SLC46A2: variants seen among roughly 807,000 people sequenced by gnomAD.
SLC46A2 encodes the protein thymic stromal co-transporter.
A neutral mutation model predicts 33.1 loss-of-function variants in SLC46A2; 25 were observed. The observed-to-expected ratio is 0.76, with a 90% confidence interval of 0.55 to 1.06. SLC46A2 has a LOEUF of 1.06. Among genes scored for constraint, SLC46A2 ranks in the 50% least tolerant of loss-of-function variants. SLC46A2 has a pLI of 0.00. For synonymous variants in SLC46A2, 254 were observed against 275.9 expected (o/e 0.92, Z 0.79); for missense variants, 622 against 621.7 (o/e 1.00, Z 0.00).
intron 1 of SLC46A2, among the ~76,000 whole-genome samples, chr9:112,887,830 G>A (rs889193234): frequency 6.6e-6 from 1 of 152,102 alleles, no homozygotes; most frequent in Non-Finnish European, 1.5e-5. Context: ...TTGGCAAATT[G>A]CCTCCAGCAA....
rs113536215 is a variant in SLC46A2 at position 112,890,610 on chromosome 9, G to A, written c.72C>T (p.Pro24=). 25,371 of 1,607,052 alleles carry A rather than the reference G, an allele frequency of 0.016. 459 individuals carry two copies. The highest frequency in any genetic ancestry group is 0.088 in the African/African-American group (6,578 of 75,032). The stretch of plus-strand genomic sequence containing the variant: ...CAGCCACCTGGGACGAGGCCACCAC[G>A]GGCTCAACCCAGGTCCTCGGGTGGA... The part of the protein sequence containing the change: ...PRFHPRTWVE[P]VVASSQVAAS... Residue 24 remains proline (P), a synonymous_variant, in exon 1 of 4, where the codon CCC becomes CCT. Coordinates refer to ENST00000374228, the MANE Select transcript of SLC46A2 (RefSeq NM_033051.4). The surrounding 1 kb of genome is among the most constrained non-coding windows in gnomAD (Gnocchi z 6.0).
chr9:112,879,483 G>T lies in SLC46A2; in HGVS notation c.*279C>A. 1 of 371,900 alleles carries T rather than the reference G, an allele frequency of 2.7e-6. No homozygotes were observed. The highest frequency in any genetic ancestry group is 5.0e-6 in the Non-Finnish European group (1 of 199,432). 23.0% of individuals were successfully genotyped at this position (371,900 alleles called of 1,614,324 possible). On this transcript the variant is annotated 3_prime_UTR_variant, in exon 4 of 4. Transcript: ENST00000374228. ...GGCCTGGGACTGCTGTGTGCAGCCT[G>T]CCTGTAACCCTTAAGGTCATGCTCT...
intron 3 of SLC46A2, among the ~76,000 whole-genome samples, chr9:112,882,933 C>T (rs1315006568): frequency 6.6e-6 from 1 of 152,126 alleles, no homozygotes; most frequent in Admixed American, 6.5e-5. Flanking sequence ...AGAGAAGAAG[C>T]TATCAGATAA....
At chr9:112,882,140 T>C (rs1841584997) in intron 3 of SLC46A2, among the ~76,000 whole-genome samples, 1 of 152,196 alleles carries the variant, frequency 6.6e-6, no homozygotes, top group Non-Finnish European at 1.5e-5. Context: ...AGAGTCTTGC[T>C]CTGTCACCCA....
chr9:112,885,070 C>T (rs935841169), intron 3 of SLC46A2: 7 of 152,154 alleles, frequency 4.6e-5, no homozygotes, highest in African/African-American at 1.7e-4. Flanking sequence ...CAGTTTGCAC[C>T]TTAGGAATGA....
At chr9:112,886,641 C>T (rs767001079) in intron 2 of SLC46A2, 25 bp from the exon 3 acceptor site, 87 of 1,612,788 alleles carry the variant, frequency 5.4e-5, no homozygotes, top group African/African-American at 9.3e-5. Context: ...GAGGTTACTC[C>T]GGAGTGCCTT....
rs1295175588 is a variant in SLC46A2, at chr9:112,879,555, G to C, written c.*207C>G. On this transcript the variant is annotated 3_prime_UTR_variant, in exon 4 of 4. Transcript: ENST00000374228. The stretch of plus-strand genomic sequence containing the variant: ...TGCCTAATGGGGGTGTCTTAAAGCT[G>C]AGAACGTTTTTCCATCACCAGGAAA... 1 of 537,462 alleles carries C rather than the reference G, an allele frequency of 1.9e-6. No homozygotes were observed. Among genetic ancestry groups the C allele is most frequent in the African/African-American group, 1.9e-5 (1 of 53,030 alleles). 33.3% of individuals were successfully genotyped at this position (537,462 alleles called of 1,614,324 possible). A position where few individuals can be genotyped will look rare whatever the true frequency, so the allele number is the denominator to read the frequency against.
At chr9:112,881,158 A>G (rs1317195340) in intron 3 of SLC46A2, among the ~76,000 whole-genome samples, 2 of 152,242 alleles carry the variant, frequency 1.3e-5, no homozygotes, top group Non-Finnish European at 2.9e-5. Flanking sequence ...GTCCTGGATC[A>G]GTGTGACTTA....
chr9:112,889,157 G>A (rs1320930405), intron 1 of SLC46A2, among the ~76,000 whole-genome samples: 1 of 152,052 alleles, frequency 6.6e-6, no homozygotes, highest in African/African-American at 2.4e-5. Context: ...CCAAAGTGCT[G>A]GGATTACAGG....
intron 3 of SLC46A2, among the ~76,000 whole-genome samples, chr9:112,884,837 AG>A (rs1051588945): frequency 8.6e-4 from 131 of 152,326 alleles, no homozygotes; most frequent in African/African-American, 3.0e-3. Flanking sequence ...GGTTTTGTTT[AG>A]GTTAAAGAGA....
At position 112,890,260 on chromosome 9, in the gene SLC46A2, G is replaced by A; in HGVS notation, c.422C>T (p.Ala141Val). The change falls in exon 1 of 4, where the codon GCG (alanine) becomes GTG (valine). Residue 141 changes from alanine (A) to valine (V), a missense_variant. By Grantham distance (64) the Ala-to-Val change is moderately conservative. Transcript: ENST00000374228. The surrounding 1 kb of genome is among the most constrained non-coding windows in gnomAD (Gnocchi z 6.0). Reference sequence around the variant, plus strand: ...GAAGCCGCCGAATAGCCCGTTCAGCGCCGCCGCCCCGTACAGCACCTCCAC... The same window carrying A: ...GAAGCCGCCGAATAGCCCGTTCAGCACCGCCGCCCCGTACAGCACCTCCAC... ...WPVEVLYGAAALNGLFGGFSA... is the reference protein window; with the variant it reads ...WPVEVLYGAAVLNGLFGGFSA... 6.2e-7 allele frequency: 1 copy of A among 1,613,266 alleles called. No homozygotes were observed. Among genetic ancestry groups the A allele is most frequent in the South Asian group, 1.1e-5 (1 of 91,084 alleles).
chr9:112,880,616 C>T (rs1841564661), intron 3 of SLC46A2: 2 of 152,886 alleles, frequency 1.3e-5, no homozygotes, highest in African/African-American at 2.4e-5. Flanking sequence ...TAAGGTTTCC[C>T]TCCATCTCCT....
In SLC46A2 at chr9:112,890,382, G is replaced by A; in HGVS notation, c.300C>T (p.Ser100=). 6.2e-7 allele frequency: 1 copy of A among 1,614,104 alleles called. No individual in the cohort carries two copies. Among genetic ancestry groups the A allele is most frequent in the African/African-American group, 1.3e-5 (1 of 75,038 alleles). Residue 100 remains serine (S), a synonymous_variant, in exon 1 of 4, where the codon AGC becomes AGT. Transcript: ENST00000374228. This position sits in a 1 kb window ranked among gnomAD's most constrained non-coding sequence, Gnocchi z 6.0. ...TGGAGATCTTTCGGTGGTAGCGGTC[G>A]CTGAGCCATCCCAGCCCGTAGGCGG... ...LLSAYGLGWL[S]DRYHRKISIC... is the part of the protein sequence containing the mutation.
Position 112,890,335 on chromosome 9 carries a change from A to G in SLC46A2, c.347T>C (p.Phe116Ser). ...KISICMSLLG[F>S]LLSRLGLLLK... is the part of the protein sequence containing the mutation. ...CAGCAGCCCGAGGCGGGAGAGCAGG[A>G]AGCCCAGCAGCGACATGCAGATGGA... The change falls in exon 1 of 4, where the codon TTC becomes TCC. Residue 116 changes from phenylalanine (F) to serine (S), a missense_variant. Physicochemically the swap from Phe to Ser is radical, Grantham distance 155. Transcript: ENST00000374228. The surrounding 1 kb of genome is among the most constrained non-coding windows in gnomAD (Gnocchi z 6.0). The G allele has an allele frequency of 6.2e-7, 1 of 1,613,854 alleles. No homozygotes were observed. The highest frequency in any genetic ancestry group is 8.5e-7 in the Non-Finnish European group (1 of 1,179,980).
chr9:112,888,154 A>G (rs991764439), intron 1 of SLC46A2, among the ~76,000 whole-genome samples: 42 of 152,086 alleles, frequency 2.8e-4, no homozygotes, highest in African/African-American at 9.9e-4. Flanking sequence ...GTGCATGCCT[A>G]TAATTCCAGC....
chr9:112,886,973 C>G (rs1443961492), intron 2 of SLC46A2, among the ~76,000 whole-genome samples: 1 of 152,180 alleles, frequency 6.6e-6, no homozygotes, highest in Non-Finnish European at 1.5e-5. Context: ...ATGCGATCCT[C>G]TCACCTCGGC....
Position 112,890,512 on chromosome 9 carries a change from C to G in SLC46A2, c.170G>C (p.Ser57Thr), listed in dbSNP as rs1841717277. 6.2e-7 allele frequency: 1 copy of G among 1,614,160 alleles called. No homozygotes were observed. Among genetic ancestry groups the G allele is most frequent in the African/African-American group, 1.3e-5 (1 of 75,046 alleles). ...SYGTGGSSNHSASPSPRGALE... is the reference protein window; with the variant it reads ...SYGTGGSSNHTASPSPRGALE... Reference sequence around the variant, plus strand: ...AGCCCCCCGGGGCGATGGGCTGGCACTGTGGTTGGAGGAGCCTCCGGTTCC... The same window carrying G: ...AGCCCCCCGGGGCGATGGGCTGGCAGTGTGGTTGGAGGAGCCTCCGGTTCC... The change falls in exon 1 of 4, where the codon AGT (serine) becomes ACT (threonine). Residue 57 changes from serine to threonine, a missense_variant. By Grantham distance (58) the Ser-to-Thr change is moderately conservative (BLOSUM62 1). Coordinates refer to ENST00000374228, the MANE Select transcript of SLC46A2 (RefSeq NM_033051.4). This position sits in a 1 kb window ranked among gnomAD's most constrained non-coding sequence, Gnocchi z 6.0.
At chr9:112,884,229 C>G (rs563569743) in intron 3 of SLC46A2, among the ~76,000 whole-genome samples, 179 of 152,352 alleles carry the variant, frequency 1.2e-3, no homozygotes, top group African/African-American at 4.1e-3. Context: ...GCTGGGATCT[C>G]TCCTGGCATC....
chr9:112,885,973 A>T (rs1463370989), intron 3 of SLC46A2, among the ~76,000 whole-genome samples: 1 of 152,178 alleles, frequency 6.6e-6, no homozygotes, highest in East Asian at 1.9e-4. Flanking sequence ...AGAGAAGTCA[A>T]GGGAATTGTC....
Sources: allele counts gnomAD v4.1 joint callset (sites outside exome capture counted in the v4.1 genomes callset), GRCh38; gene constraint gnomAD v4.1.1; non-coding constraint Gnocchi (gnomAD v3.1); transcripts MANE v1.5; gene names NCBI Gene and HGNC (gene_info 2026-07-23, HGNC 2026-07-21).